Variants in ADGB observed in about 807,000 individuals in gnomAD.
ADGB encodes the protein androglobin, also known as calpain-7-like protein.
A neutral mutation model predicts 210.5 loss-of-function variants in ADGB; 172 were observed. That is an observed-to-expected ratio of 0.82 (90% confidence interval 0.72 to 0.93). The LOEUF is 0.93. Among genes scored for constraint, ADGB ranks in the 40% least tolerant of loss-of-function variants. ADGB has a pLI of 0.00. For missense variants in ADGB, 2,025 were observed against 1,964.8 expected (o/e 1.03, Z -0.58); for synonymous variants, 658 against 662.7 (o/e 0.99, Z 0.11).
rs186615175 is a variant in ADGB at position 146,716,126 on chromosome 6, T to G, written c.1741+711T>G. Among the ~76,000 whole-genome samples, 48 of 151,830 alleles carry G rather than the reference T, an allele frequency of 3.2e-4. No individual in the cohort carries two copies. The East Asian group carries it at 8.2e-3, about 26-fold the overall frequency. On this transcript the variant is annotated intron_variant, in intron 14 of 35. Transcript: ENST00000397944. ...AAAATAAGGCTCTAGAACCACTGAC[T>G]GTGGGGAGTGATTAAATGTGTTACT...
chr6:146,801,266 A>G lies in ADGB; in HGVS notation c.4621A>G (p.Ser1541Gly), dbSNP rs1245423300. 4 of 1,494,686 alleles carry G rather than the reference A, an allele frequency of 2.7e-6. No homozygotes were observed. The African/African-American group carries it at 5.7e-5, about 21-fold the overall frequency. 92.6% of individuals were successfully genotyped at this position (1,494,686 alleles called of 1,614,324 possible). A position where few individuals can be genotyped will look rare whatever the true frequency, so the allele number is the denominator to read the frequency against. Residue 1541 changes from serine to glycine, a missense_variant, in exon 34 of 36, where the codon AGT (serine) becomes GGT (glycine). Physicochemically the swap from Ser to Gly is moderately conservative, Grantham distance 56. Coordinates refer to ENST00000397944, the MANE Select transcript of ADGB (RefSeq NM_024694.4). Reference protein sequence around the residue: ...IRKALEFMDLSQYVRKTDTDP... With the variant: ...IRKALEFMDLGQYVRKTDTDP... ...AAAAGCACTAGAATTTATGGATTTA[A>G]GTCAATATGTTCGGTAAGTTTTCAT...
chr6:146,731,654 A>C lies in ADGB; in HGVS notation c.2521-1466A>C, dbSNP rs138117693. Among the ~76,000 whole-genome samples the C allele has an allele frequency of 2.5e-3, 388 of 152,282 alleles. 3 individuals carry two copies. Among genetic ancestry groups the C allele is most frequent in the African/African-American group, 9.0e-3 (376 of 41,560 alleles). ...CTCCCTCAATGTAGCAGAAACCCTA[A>C]TACCTCATGATAATCAATGTGAATT... is the stretch of plus-strand genomic sequence containing the variant. On this transcript the variant is annotated intron_variant, in intron 20 of 35. Transcript: ENST00000397944.
intron 13 of ADGB, among the ~76,000 whole-genome samples, chr6:146,712,352 T>C (rs1413501149): frequency 1.2e-5 from 1 of 80,080 alleles, no homozygotes; most frequent in Non-Finnish European, 2.2e-5. Context: ...ACCAGGCTAA[T>C]TTTTTTGTAT....
chr6:146,622,176 G>T (rs1457978731), intron 1 of ADGB, among the ~76,000 whole-genome samples: 6 of 152,032 alleles, frequency 3.9e-5, no homozygotes, highest in Non-Finnish European at 8.8e-5. Flanking sequence ...TTTGCCATTA[G>T]TATTAGTTTT....
Position 146,677,166 on chromosome 6 carries a change from C to G in ADGB, c.1216+725C>G, listed in dbSNP as rs77641555. On this transcript the variant is annotated intron_variant, in intron 9 of 35. Coordinates refer to ENST00000397944, the MANE Select transcript of ADGB (RefSeq NM_024694.4). Reference sequence around the variant, plus strand: ...GCTAAAACAGTCTAGGTATAAGTAGCCTTTAAACAAATTGTATCAGGTTGA... The same window carrying G: ...GCTAAAACAGTCTAGGTATAAGTAGGCTTTAAACAAATTGTATCAGGTTGA... Among the ~76,000 whole-genome samples the G allele has an allele frequency of 1.8e-3, 269 of 152,160 alleles. 4 individuals carry two copies. The East Asian group carries it at 0.027, about 15-fold the overall frequency.
At chr6:146,813,231 T>C (rs1356101147) in intron 35 of ADGB, among the ~76,000 whole-genome samples, 5 of 151,866 alleles carry the variant, frequency 3.3e-5, no homozygotes, top group African/African-American at 9.7e-5. Flanking sequence ...ACATTCTTTC[T>C]CCCCTTTCTC....
chr6:146,656,708 C>T, intron 4 of ADGB, 63 bp from the exon 5 acceptor site: 1 of 1,120,586 alleles, frequency 8.9e-7, no homozygotes, highest in Non-Finnish European at 1.2e-6. Context: ...CTGTTTTTAT[C>T]CCTAAATTAC....
chr6:146,741,122 A>T lies in ADGB; in HGVS notation c.3028A>T (p.Thr1010Ser). Residue 1010 changes from threonine (T) to serine (S), a missense_variant, in exon 25 of 36, where the codon ACA becomes TCA. Transcript: ENST00000397944. Reference sequence around the variant, plus strand: ...TTCATGCTTTTGTAATTACAGAGAAACATTTTTGGTTCATCAAGACATGAT... The same window carrying T: ...TTCATGCTTTTGTAATTACAGAGAATCATTTTTGGTTCATCAAGACATGAT... Reference protein sequence around the residue: ...PNSWFIVFRETFLVHQDMILV... With the variant: ...PNSWFIVFRESFLVHQDMILV... 1 of 1,511,864 alleles carries T rather than the reference A, an allele frequency of 6.6e-7. No homozygotes were observed. Among genetic ancestry groups the T allele is most frequent in the Non-Finnish European group, 8.9e-7 (1 of 1,129,628 alleles). 93.7% of individuals were successfully genotyped at this position (1,511,864 alleles called of 1,614,324 possible).
At chr6:146,656,128 G>A (rs916180253) in intron 4 of ADGB, among the ~76,000 whole-genome samples, 2 of 152,298 alleles carry the variant, frequency 1.3e-5, no homozygotes, top group African/African-American at 2.4e-5. Context: ...AGCAGCAGAA[G>A]GCTGTGAAGA....
rs139495186 is a variant in ADGB at position 146,768,591 on chromosome 6, T to C, written c.3751-429T>C. Among the ~76,000 whole-genome samples the C allele has an allele frequency of 2.8e-3, 432 of 152,234 alleles. 6 individuals are homozygous for C. The East Asian group carries it at 0.054, about 19-fold the overall frequency. ...ACATAAAGGTGAATTCCAGATATAG[T>C]GAACATTTAATTGTAAAATTTTAAT... On this transcript the variant is annotated intron_variant, in intron 28 of 35. Coordinates refer to ENST00000397944, the MANE Select transcript of ADGB (RefSeq NM_024694.4).
chr6:146,790,964 A>G (rs983585797), intron 33 of ADGB, among the ~76,000 whole-genome samples: 3 of 152,078 alleles, frequency 2.0e-5, no homozygotes, highest in African/African-American at 7.2e-5. Flanking sequence ...ATCTTTTTAT[A>G]TATGTGTGGG....
chr6:146,649,478 T>A (rs1325769561), intron 3 of ADGB, among the ~76,000 whole-genome samples: 1 of 149,178 alleles, frequency 6.7e-6, no homozygotes, highest in African/African-American at 2.5e-5. Flanking sequence ...ACATTTTTAT[T>A]TTTATTTTTA....
At chr6:146,639,796 A>G (rs930815697) in intron 2 of ADGB, 2 of 152,102 alleles carry the variant, frequency 1.3e-5, no homozygotes, top group Non-Finnish European at 2.9e-5. Flanking sequence ...AGCATGGCAC[A>G]CAAATTCGTG....
At chr6:146,650,202 T>A (rs1775680392) in intron 3 of ADGB, among the ~76,000 whole-genome samples, 1 of 152,216 alleles carries the variant, frequency 6.6e-6, no homozygotes, top group East Asian at 1.9e-4. Flanking sequence ...AAACATGTTT[T>A]ATCCTTTTGT....
Position 146,635,483 on chromosome 6 carries a change from G to C in ADGB, c.183G>C (p.Trp61Cys). Residue 61 changes from tryptophan (W) to cysteine (C), a missense_variant, in exon 2 of 36, where the codon TGG becomes TGC. Transcript: ENST00000397944. ...WSEADINSEKWDAGKGAKEKD... is the reference protein window; with the variant it reads ...WSEADINSEKCDAGKGAKEKD... ...AAGCTGACATAAATTCAGAAAAGTG[G>C]GATGCAGGCAAAGGTGCAAAAGAAA... 4 of 1,548,108 alleles carry C rather than the reference G, an allele frequency of 2.6e-6. No individual in the cohort carries two copies. Among genetic ancestry groups the C allele is most frequent in the Non-Finnish European group, 3.5e-6 (4 of 1,145,054 alleles).
chr6:146,686,052 G>T (rs1254403551), intron 10 of ADGB, among the ~76,000 whole-genome samples: 1 of 151,768 alleles, frequency 6.6e-6, no homozygotes, highest in Non-Finnish European at 1.5e-5. Flanking sequence ...TATAAAAAAG[G>T]AAAAGAAAAA....
intron 2 of ADGB, among the ~76,000 whole-genome samples, chr6:146,638,398 T>A (rs112419868): frequency 0.089 from 13,515 of 151,716 alleles, 578 homozygotes; most frequent in East Asian, 0.13. Context: ...ATGTGGCACA[T>A]ATACCCCATG....
intron 5 of ADGB, among the ~76,000 whole-genome samples, chr6:146,661,220 C>CTTTTTTTTTTT (rs5880682): frequency 8.6e-6 from 1 of 116,068 alleles, no homozygotes; most frequent in Non-Finnish European, 1.7e-5. Context: ...TTCTTTTTTT[C>CTTTTTTTTTTT]TTTTTTTTTT....
intron 7 of ADGB, among the ~76,000 whole-genome samples, chr6:146,668,997 T>C (rs1319954326): frequency 6.6e-6 from 1 of 152,014 alleles, no homozygotes; most frequent in South Asian, 2.1e-4. Context: ...TCTCATTCCG[T>C]GGTGTTTGAA....
Sources: gnomAD v4.1 joint callset for allele counts (sites outside exome capture counted in the v4.1 genomes callset) on GRCh38, gnomAD v4.1.1 for gene constraint, MANE v1.5 for transcripts, NCBI Gene and HGNC (gene_info 2026-07-23, HGNC 2026-07-21) for gene names.